Variants in AQP1 observed in about 807,000 individuals in gnomAD.
AQP1 encodes the protein aquaporin-1.
In AQP1, 11 loss-of-function variants were observed where a neutral mutation model predicts 19.7. The observed-to-expected ratio is 0.56, with a 90% CI of 0.35 to 0.92. The LOEUF is 0.92. AQP1 is among the 40% of genes least tolerant of loss of function. The probability of loss-of-function intolerance (pLI) is 0.01; values close to 1 mark genes in which losing one functional copy is unlikely to be tolerated. For missense variants in AQP1, 320 were observed against 369.7 expected, an observed-to-expected ratio of 0.87 and a Z score of 1.10; for synonymous variants, 159 against 166.7, an observed-to-expected ratio of 0.95 and a Z score of 0.36.
At chr7:30,913,957 G>A (rs991136454) in intron 1 of AQP1, among the ~76,000 whole-genome samples, 7 of 152,140 alleles carry the variant, frequency 4.6e-5, no homozygotes, top group South Asian at 2.1e-4. Flanking sequence ...CTGGGGGAGC[G>A]TCCCTGTAGG....
rs1481674835 is a variant in AQP1 at position 30,924,021 on chromosome 7, C to G, written c.*392C>G. ...GGATTCTACCGTAATTGCTTTGTGC[C>G]TTTGGGCACGGCCCTCCTTCTTTTC... is the stretch of plus-strand genomic sequence containing the variant. On this transcript the variant is annotated 3_prime_UTR_variant, in exon 4 of 4. Coordinates refer to ENST00000311813, the MANE Select transcript of AQP1 (RefSeq NM_198098.4). 7.5e-7 allele frequency: 1 copy of G among 1,329,848 alleles called. No individual in the cohort carries two copies. Among genetic ancestry groups the G allele is most frequent in the Non-Finnish European group, 9.9e-7 (1 of 1,010,148 alleles). 82.4% of individuals were successfully genotyped at this position (1,329,848 alleles called of 1,614,324 possible).
chr7:30,915,500 T>G (rs917795621), intron 1 of AQP1, among the ~76,000 whole-genome samples: 3 of 150,922 alleles, frequency 2.0e-5, no homozygotes, highest in South Asian at 2.1e-4. Context: ...TAGGAGGAGG[T>G]GAGGGCCGTG....
At position 30,912,043 on chromosome 7, in the gene AQP1, C is replaced by A. The variant is rs28362692; in HGVS notation, c.134C>A (p.Ala45Glu). ...TACCCGGTGGGGAACAACCAGACGG[C>A]GGTCCAGGACAACGTGAAGGTGTCG... Reference protein sequence around the residue: ...FKYPVGNNQTAVQDNVKVSLA... With the variant: ...FKYPVGNNQTEVQDNVKVSLA... Residue 45 changes from alanine (A) to glutamate (E), a missense_variant, in exon 1 of 4, where the codon GCG becomes GAG. By Grantham distance (107) the Ala-to-Glu change is moderately radical. Coordinates refer to ENST00000311813, the MANE Select transcript of AQP1 (RefSeq NM_198098.4). This position sits in a 1 kb window ranked among gnomAD's most constrained non-coding sequence, Gnocchi z 4.3. 1.2e-6 allele frequency: 2 copies of A among 1,613,310 alleles called. No individual in the cohort carries two copies. Among genetic ancestry groups the A allele is most frequent in the African/African-American group, 2.7e-5 (2 of 74,936 alleles).
chr7:30,916,453 C>T (rs542440933), intron 1 of AQP1, among the ~76,000 whole-genome samples: 43 of 152,258 alleles, frequency 2.8e-4, no homozygotes, highest in Non-Finnish European at 5.0e-4. Context: ...TCTGAGCCCT[C>T]ACACCGGGAG....
rs1791199049 is a variant in AQP1 at position 30,912,708 on chromosome 7, T to C, written c.384+415T>C. On this transcript the variant is annotated intron_variant, in intron 1 of 3. Transcript: ENST00000311813. The surrounding 1 kb of genome is among the most constrained non-coding windows in gnomAD (Gnocchi z 4.3). ...CTGTCCCCAGCCACCCTGAACCAAA[T>C]GCCCAGCCTGTCTGCAGCTGGCTCT... 6.6e-6 allele frequency among the ~76,000 whole-genome samples: 1 copy of C among 152,162 alleles called. No individual in the cohort carries two copies.
At chr7:30,914,646 G>A (rs1358943781) in intron 1 of AQP1, among the ~76,000 whole-genome samples, 1 of 152,230 alleles carries the variant, frequency 6.6e-6, no homozygotes, top group Non-Finnish European at 1.5e-5. Context: ...AGAGGAGCAG[G>A]GAACAGTCTG....
rs1242119945 is a variant in AQP1, at chr7:30,923,714, A to T, written c.*85A>T. ...GAGGGGTGAAATCCATACTGTAGAC[A>T]CTCTGACAAGCTGGCCAAAGTCACT... On this transcript the variant is annotated 3_prime_UTR_variant, in exon 4 of 4. Coordinates refer to ENST00000311813, the MANE Select transcript of AQP1 (RefSeq NM_198098.4). This position sits in a 1 kb window ranked among gnomAD's most constrained non-coding sequence, Gnocchi z 4.8. 2.0e-6 allele frequency: 3 copies of T among 1,508,772 alleles called. No homozygotes were observed. In the Admixed American group the frequency reaches 6.2e-5, roughly 31 times the overall value. 93.5% of individuals were successfully genotyped at this position (1,508,772 alleles called of 1,614,324 possible).
rs760251239 is a variant in AQP1 at position 30,912,007 on chromosome 7, T to C, written c.98T>C (p.Leu33Pro). The C allele has an allele frequency of 3.2e-5, 51 of 1,613,536 alleles. No individual in the cohort carries two copies. The highest frequency in any genetic ancestry group is 4.0e-5 in the Non-Finnish European group (47 of 1,180,040). Reference sequence around the variant, plus strand: ...GTCTTCATCAGCATCGGTTCTGCCCTGGGCTTCAAATACCCGGTGGGGAAC... The same window carrying C: ...GTCTTCATCAGCATCGGTTCTGCCCCGGGCTTCAAATACCCGGTGGGGAAC... ...LFVFISIGSA[L>P]GFKYPVGNNQ... The change falls in exon 1 of 4, where the codon CTG becomes CCG. Residue 33 changes from leucine (L) to proline (P), a missense_variant. Leu to Pro is a moderately conservative substitution (Grantham distance 98). Transcript: ENST00000311813. This position sits in a 1 kb window ranked among gnomAD's most constrained non-coding sequence, Gnocchi z 4.3.
intron 1 of AQP1, chr7:30,921,226 G>A: frequency 9.1e-7 from 1 of 1,096,038 alleles, no homozygotes; most frequent in Non-Finnish European, 1.1e-6. Context: ...GTCCTCCGGG[G>A]GCAGCTGCAT....
intron 3 of AQP1, among the ~76,000 whole-genome samples, chr7:30,922,923 C>T (rs1791564061): frequency 1.3e-5 from 2 of 152,228 alleles, no homozygotes; most frequent in Non-Finnish European, 1.5e-5. Flanking sequence ...AATCCTGGCT[C>T]AGCCACTTTC....
chr7:30,920,996 C>G (rs1419472366), intron 1 of AQP1, among the ~76,000 whole-genome samples: 1 of 152,220 alleles, frequency 6.6e-6, no homozygotes, highest in Non-Finnish European at 1.5e-5. Context: ...CTTGGAGACA[C>G]TCCCATATCC....
At chr7:30,922,952 C>T (rs766612649) in intron 3 of AQP1, among the ~76,000 whole-genome samples, 1 of 152,228 alleles carries the variant, frequency 6.6e-6, no homozygotes, top group Non-Finnish European at 1.5e-5. Context: ...CATGACCTTG[C>T]GCAGTGTGCT....
Position 30,912,892 on chromosome 7 carries a change from A to G in AQP1, c.384+599A>G, listed in dbSNP as rs1791202758. 6.6e-6 allele frequency among the ~76,000 whole-genome samples: 1 copy of G among 152,148 alleles called. No homozygotes were observed. The highest frequency in any genetic ancestry group is 2.4e-5 in the African/African-American group (1 of 41,430). ...TGAAAACACTCTCTGGGGCTGTTTGAAGGCAGTTTTCCTGGATTACAGTAT... is the reference window on the plus strand; with the variant it reads ...TGAAAACACTCTCTGGGGCTGTTTGGAGGCAGTTTTCCTGGATTACAGTAT... On this transcript the variant is annotated intron_variant, in intron 1 of 3. Coordinates refer to ENST00000311813, the MANE Select transcript of AQP1 (RefSeq NM_198098.4). The surrounding 1 kb of genome is among the most constrained non-coding windows in gnomAD (Gnocchi z 4.3).
chr7:30,921,720 C>G (rs1791505290), intron 1 of AQP1: 3 of 1,550,770 alleles, frequency 1.9e-6, no homozygotes, highest in Non-Finnish European at 1.7e-6. Flanking sequence ...GGGGCTCGCC[C>G]CTTGCCTCTG....
chr7:30,922,063 C>T lies in AQP1; in HGVS notation c.385-3C>T. On this transcript the variant is annotated splice_polypyrimidine_tract_variant and splice_region_variant and intron_variant, in intron 1 of 3. Coordinates refer to ENST00000311813, the MANE Select transcript of AQP1 (RefSeq NM_198098.4). ...CAGTCCTCACCACCTCTCTCCCCTG[C>T]AGCTGGCTGATGGTGTGAACTCGGG... is the stretch of plus-strand genomic sequence containing the variant. 2.5e-6 allele frequency: 4 copies of T among 1,613,856 alleles called. No individual in the cohort carries two copies. Among genetic ancestry groups the T allele is most frequent in the African/African-American group, 1.3e-5 (1 of 75,062 alleles).
Position 30,911,883 on chromosome 7 carries a change from C to CG in AQP1, c.-25dup, listed in dbSNP as rs1791172342. 1.2e-6 allele frequency: 2 copies of CG among 1,612,292 alleles called. No homozygotes were observed. The highest frequency in any genetic ancestry group is 2.7e-5 in the African/African-American group (2 of 75,018). On this transcript the variant is annotated 5_prime_UTR_variant, in exon 1 of 4. Coordinates refer to ENST00000311813, the MANE Select transcript of AQP1 (RefSeq NM_198098.4). ...TCAGAGGGAATTGAGCACCCGGCAG[C>CG]GGTCTCAGGCCAAGCCCCCTGCCAG...
Position 30,912,439 on chromosome 7 carries a change from A to G in AQP1, c.384+146A>G. ...GAGGTCACGTAGAGAGCTGGGGGGA[A>G]GAGCTGGGGCTGGAACTCAGCTATG... On this transcript the variant is annotated intron_variant, in intron 1 of 3. Coordinates refer to ENST00000311813, the MANE Select transcript of AQP1 (RefSeq NM_198098.4). The surrounding 1 kb of genome is among the most constrained non-coding windows in gnomAD (Gnocchi z 4.3). The G allele has an allele frequency of 1.6e-6, 2 of 1,258,080 alleles. No homozygotes were observed. The highest frequency in any genetic ancestry group is 1.5e-5 in the South Asian group (1 of 67,006). 77.9% of individuals were successfully genotyped at this position (1,258,080 alleles called of 1,614,324 possible).
At chr7:30,917,256 A>G (rs1791382724) in intron 1 of AQP1, among the ~76,000 whole-genome samples, 2 of 152,226 alleles carry the variant, frequency 1.3e-5, no homozygotes, top group Non-Finnish European at 2.9e-5. Flanking sequence ...ACACACACAC[A>G]TGGTACACAA....
At position 30,917,326 on chromosome 7, in the gene AQP1, G is replaced by A. The variant is rs368347329; in HGVS notation, c.385-4740G>A. 5.9e-5 allele frequency among the ~76,000 whole-genome samples: 9 copies of A among 152,308 alleles called. No homozygotes were observed. In the South Asian group the frequency reaches 1.7e-3, roughly 28 times the overall value. On this transcript the variant is annotated intron_variant, in intron 1 of 3. Coordinates refer to ENST00000311813, the MANE Select transcript of AQP1 (RefSeq NM_198098.4). ...CTCTGGGACCCAAGGAGGGTTGGGCGGGGATTCCTCAATGGAGCCTTTTCC... is the reference window on the plus strand; with the variant it reads ...CTCTGGGACCCAAGGAGGGTTGGGCAGGGATTCCTCAATGGAGCCTTTTCC...
Sources: gnomAD v4.1 joint callset for allele counts (sites outside exome capture counted in the v4.1 genomes callset) on GRCh38, gnomAD v4.1.1 for gene constraint, Gnocchi (gnomAD v3.1) non-coding constraint, MANE v1.5 for transcripts, NCBI Gene and HGNC (gene_info 2026-07-23, HGNC 2026-07-21) for gene names.